Variants in CYTH1 observed in about 807,000 individuals in gnomAD.
The protein encoded by CYTH1 is cytohesin 1.
In CYTH1, 18 loss-of-function variants were observed where a neutral mutation model predicts 61.8. The observed-to-expected ratio is 0.29, with a 90% CI of 0.20 to 0.43. The LOEUF (loss-of-function observed/expected upper bound fraction) is 0.43, where lower values mean the gene tolerates loss of function less well. Among genes scored for constraint, CYTH1 ranks in the 20% least tolerant of loss-of-function variants. The pLI is 1.00. For missense variants in CYTH1, 336 were observed against 510.5 expected, an observed-to-expected ratio of 0.66 and a Z score of 3.29; for synonymous variants, 174 against 184.3, an observed-to-expected ratio of 0.94 and a Z score of 0.45.
At chr17:78,760,929 G>A (rs577315217) in intron 1 of CYTH1, among the ~76,000 whole-genome samples, 4 of 152,034 alleles carry the variant, frequency 2.6e-5, no homozygotes, top group South Asian at 4.1e-4. Flanking sequence ...CCCACCTCCC[G>A]GGTTCAAGTG....
chr17:78,701,853 T>C, intron 5 of CYTH1, 102 bp from the exon 6 acceptor site: 5 of 1,197,230 alleles, frequency 4.2e-6, no homozygotes, highest in East Asian at 2.4e-5. Context: ...CCTGTGGTCC[T>C]GTGGCTCCTG....
At chr17:78,715,628 G>T (rs2093174331) in intron 1 of CYTH1, among the ~76,000 whole-genome samples, 1 of 152,210 alleles carries the variant, frequency 6.6e-6, no homozygotes, top group African/African-American at 2.4e-5. Flanking sequence ...TTCCTCTCAA[G>T]AGAATAAAAA....
At chr17:78,677,503 T>C (rs920055826) in intron 13 of CYTH1, 2 of 177,036 alleles carry the variant, frequency 1.1e-5, no homozygotes, top group African/African-American at 4.8e-5. Flanking sequence ...AGATCCCATA[T>C]TCAAAGAGCA....
chr17:78,726,289 G>A (rs570727281), intron 1 of CYTH1, among the ~76,000 whole-genome samples: 3 of 151,982 alleles, frequency 2.0e-5, no homozygotes, highest in Non-Finnish European at 2.9e-5. Context: ...TGATCTGCCC[G>A]CCTCAGCCTC....
chr17:78,742,681 T>C (rs917256932), intron 1 of CYTH1, among the ~76,000 whole-genome samples: 2 of 152,092 alleles, frequency 1.3e-5, no homozygotes, highest in African/African-American at 2.4e-5. Context: ...GGTGAAACCC[T>C]GTCTCTACTA....
Position 78,683,490 on chromosome 17 carries a change from C to T in CYTH1, c.892-2448G>A, listed in dbSNP as rs538677630. ...TCTGACTAAATAACCTCACGCATCT[C>T]TTCTTGGGCAGAGAAGTTTCCCACT... On this transcript the variant is annotated intron_variant, in intron 11 of 13. Coordinates refer to ENST00000446868, the MANE Select transcript of CYTH1 (RefSeq NM_004762.6). 9.8e-5 allele frequency among the ~76,000 whole-genome samples: 15 copies of T among 152,352 alleles called. No individual in the cohort carries two copies. In the South Asian group the frequency reaches 2.9e-3, roughly 29 times the overall value.
chr17:78,754,471 G>A (rs1282678681), intron 1 of CYTH1, among the ~76,000 whole-genome samples: 1 of 151,924 alleles, frequency 6.6e-6, no homozygotes, highest in African/African-American at 2.4e-5. Context: ...AGCCTCCCAA[G>A]TAGCTGGGAC....
intron 1 of CYTH1, among the ~76,000 whole-genome samples, chr17:78,748,400 T>A (rs1013213240): frequency 2.0e-5 from 3 of 152,174 alleles, no homozygotes; most frequent in Non-Finnish European, 4.4e-5. Context: ...TGTTTACACA[T>A]CCAACAGGCC....
At chr17:78,735,261 G>A (rs2093315310) in intron 1 of CYTH1, among the ~76,000 whole-genome samples, 1 of 152,164 alleles carries the variant, frequency 6.6e-6, no homozygotes, top group Non-Finnish European at 1.5e-5. Flanking sequence ...AAGCCTCCAG[G>A]ATAAAAAGTG....
At chr17:78,720,550 C>G (rs974168940) in intron 1 of CYTH1, among the ~76,000 whole-genome samples, 1 of 152,224 alleles carries the variant, frequency 6.6e-6, no homozygotes, top group African/African-American at 2.4e-5. Context: ...AACTCCTGAC[C>G]TCAGGTGATC....
chr17:78,716,101 G>T (rs1193889602), intron 1 of CYTH1, among the ~76,000 whole-genome samples: 1 of 152,196 alleles, frequency 6.6e-6, no homozygotes, highest in East Asian at 1.9e-4. Flanking sequence ...GTGAGAGAAG[G>T]AAGGAAGAGA....
rs5822262 is a variant in CYTH1, at chr17:78,697,325, C to CAAA, written c.811+941_811+943dup. Among the ~76,000 whole-genome samples the CAAA allele has an allele frequency of 9.8e-3, 936 of 95,238 alleles. 29 individuals carry two copies. Among genetic ancestry groups the CAAA allele is most frequent in the African/African-American group, 0.037 (858 of 23,154 alleles). 62.5% of individuals were successfully genotyped at this position (95,238 alleles called of 152,430 possible). ...CAGAGGAAAGTACCCTGCTAGTGTC[C>CAAA]AAAAAAAAAAAAAAAAAAAGGACAT... On this transcript the variant is annotated intron_variant, in intron 9 of 13. Transcript: ENST00000446868.
chr17:78,701,802 C>A (rs2093012490), intron 5 of CYTH1, 51 bp from the exon 6 acceptor site: 1 of 1,574,152 alleles, frequency 6.4e-7, no homozygotes, highest in African/African-American at 1.4e-5. Context: ...CAGGCACCAA[C>A]ACTGAGAATC....
At chr17:78,698,479 G>A in intron 8 of CYTH1, 99 bp from the exon 9 acceptor site, 2 of 979,868 alleles carry the variant, frequency 2.0e-6, no homozygotes, top group Non-Finnish European at 3.2e-6. Context: ...TGTGCCTATA[G>A]TAAGCCAAGC....
At chr17:78,757,479 T>C (rs889380114) in intron 1 of CYTH1, among the ~76,000 whole-genome samples, 1 of 152,108 alleles carries the variant, frequency 6.6e-6, no homozygotes, top group African/African-American at 2.4e-5. Flanking sequence ...TAAGTATCTG[T>C]TGAATAGATG....
chr17:78,742,703 G>A (rs557931818), intron 1 of CYTH1, among the ~76,000 whole-genome samples: 12 of 150,240 alleles, frequency 8.0e-5, no homozygotes, highest in South Asian at 6.4e-4. Context: ...AAATACAAAC[G>A]TTAGCTGGGC....
rs1567879207 is a variant in CYTH1 at position 78,760,426 on chromosome 17, CACATACATATATATATGTATATATAT to C, written c.22+21750_22+21775del. The stretch of plus-strand genomic sequence containing the variant: ...ATATATGTGTATATATATATATATA[CACATACATATATATATGTATATATAT>C]ATACATACATATATATATGTATATA... On this transcript the variant is annotated intron_variant, in intron 1 of 13. Transcript: ENST00000446868. Among the ~76,000 whole-genome samples the C allele has an allele frequency of 6.4e-3, 347 of 54,308 alleles. 8 individuals are homozygous for C. The highest frequency in any genetic ancestry group is 0.033 in the South Asian group (59 of 1,780). The allele number at this position is 54,308 out of a possible 152,430, so 35.6% of individuals were successfully genotyped here. A position where few individuals can be genotyped will look rare whatever the true frequency, so the allele number is the denominator to read the frequency against.
At chr17:78,737,932 T>C (rs181791369) in intron 1 of CYTH1, among the ~76,000 whole-genome samples, 102 of 152,160 alleles carry the variant, frequency 6.7e-4, no homozygotes, top group Non-Finnish European at 1.2e-3. Flanking sequence ...TAGCTACTTA[T>C]TTTTACTTAT....
At chr17:78,770,898 C>G (rs2093468717) in intron 1 of CYTH1, among the ~76,000 whole-genome samples, 1 of 152,104 alleles carries the variant, frequency 6.6e-6, no homozygotes, top group Non-Finnish European at 1.5e-5. Flanking sequence ...GAGGCCAAGG[C>G]AGGCATATTC....
Sources: gnomAD v4.1 joint callset for allele counts (sites outside exome capture counted in the v4.1 genomes callset) on GRCh38, gnomAD v4.1.1 for gene constraint, MANE v1.5 for transcripts, NCBI Gene and HGNC (gene_info 2026-07-23, HGNC 2026-07-21) for gene names.